Variants in MYO1F observed in about 807,000 individuals in gnomAD.
MYO1F encodes myosin IF, also known as unconventional myosin-If.
In MYO1F, 60 loss-of-function variants were observed where a neutral mutation model predicts 146.6. The observed-to-expected ratio is 0.41, with a 90% CI of 0.33 to 0.51. MYO1F has a LOEUF of 0.51. Ranked by LOEUF, MYO1F falls within the 20% of genes least tolerant of loss-of-function variation. The pLI, the probability that MYO1F is intolerant of heterozygous loss-of-function variation, is 0.25. For missense variants in MYO1F, 1,274 were observed against 1,534.3 expected, an observed-to-expected ratio of 0.83 and a Z score of 2.83; for synonymous variants, 602 against 602.1, an observed-to-expected ratio of 1.00 and a Z score of 0.00.
chr19:8,536,100 C>T (rs1568340341), intron 19 of MYO1F, 152 bp downstream of exon 19: 4 of 1,005,312 alleles, frequency 4.0e-6, no homozygotes, highest in South Asian at 2.8e-5. Flanking sequence ...TCTGTCAATC[C>T]CTCTCTCTCA....
At chr19:8,524,709 G>A (rs1476993700) in intron 25 of MYO1F, among the ~76,000 whole-genome samples, 1 of 152,162 alleles carries the variant, frequency 6.6e-6, no homozygotes, top group Non-Finnish European at 1.5e-5. Flanking sequence ...ACAGGTGTGA[G>A]CCATCTTGCC....
chr19:8,559,278 G>A (rs1211331572), intron 1 of MYO1F, among the ~76,000 whole-genome samples: 1 of 142,788 alleles, frequency 7.0e-6, no homozygotes, highest in East Asian at 2.1e-4. Flanking sequence ...CTGTAAGGCA[G>A]AAGTGGAGCC....
chr19:8,548,352 A>G, intron 10 of MYO1F, 35 bp from the exon 11 acceptor site: 2 of 1,597,218 alleles, frequency 1.3e-6, no homozygotes, highest in Admixed American at 3.3e-5. Flanking sequence ...GTCAGTGGGC[A>G]TCGGTCAGAT....
chr19:8,564,599 G>T (rs78236562), intron 1 of MYO1F, among the ~76,000 whole-genome samples: 1,677 of 152,042 alleles, frequency 0.011, 28 homozygotes, highest in African/African-American at 0.036. Context: ...AGGAGCCATC[G>T]ACTCAACCCT....
intron 1 of MYO1F, among the ~76,000 whole-genome samples, chr19:8,557,853 T>C (rs750306619): frequency 6.6e-6 from 1 of 152,068 alleles, no homozygotes; most frequent in African/African-American, 2.4e-5. Context: ...AGTCCCTGAC[T>C]TCTCTGTGGC....
chr19:8,571,699 G>A (rs561392255), intron 1 of MYO1F, among the ~76,000 whole-genome samples: 14 of 152,178 alleles, frequency 9.2e-5, no homozygotes, highest in East Asian at 7.7e-4. Flanking sequence ...CCGAGTTCAC[G>A]CCATTCTTCT....
rs1304313943 is a variant in MYO1F at position 8,526,501 on chromosome 19, C to T, written c.2722G>A (p.Gly908Ser). The T allele has an allele frequency of 2.5e-6, 4 of 1,576,600 alleles. No homozygotes were observed. Among genetic ancestry groups the T allele is most frequent in the Non-Finnish European group, 3.4e-6 (4 of 1,162,174 alleles). Residue 908 changes from glycine to serine, a missense_variant, in exon 24 of 28, where the codon GGT becomes AGT. By Grantham distance (56) the Gly-to-Ser change is moderately conservative. Transcript: ENST00000644032. ...CCCACGCTGACCGTGAGGGTCCGACCGCCAACCTTGAGCACTGCCAAGTCG... is the reference window on the plus strand; with the variant it reads ...CCCACGCTGACCGTGAGGGTCCGACTGCCAACCTTGAGCACTGCCAAGTCG... ...FGDLAVLKVG[G>S]RTLTVSVGDG...
At chr19:8,542,293 C>T (rs1414107141) in intron 14 of MYO1F, among the ~76,000 whole-genome samples, 2 of 129,932 alleles carry the variant, frequency 1.5e-5, no homozygotes, top group Admixed American at 2.0e-4. Flanking sequence ...CTGCAGCTTG[C>T]ATCAGAGGCC....
intron 27 of MYO1F, among the ~76,000 whole-genome samples, chr19:8,521,884 A>ACCT (rs1373036899): frequency 6.6e-6 from 1 of 151,766 alleles, no homozygotes; most frequent in African/African-American, 2.4e-5. Context: ...CAAACTCCTG[A>ACCT]CCTCAAGTGA....
chr19:8,565,360 T>G (rs1346389924), intron 1 of MYO1F, among the ~76,000 whole-genome samples: 3 of 151,798 alleles, frequency 2.0e-5, no homozygotes, highest in African/African-American at 4.8e-5. Flanking sequence ...CTGACCAACG[T>G]GGGGAAACCC....
intron 10 of MYO1F, among the ~76,000 whole-genome samples, chr19:8,549,330 G>C (rs1973505511): frequency 6.6e-6 from 1 of 151,330 alleles, no homozygotes; most frequent in African/African-American, 2.4e-5. Context: ...GGAGTGTAGT[G>C]GCTTGATCAT....
intron 1 of MYO1F, among the ~76,000 whole-genome samples, chr19:8,574,589 CTCTCTCTCTTTCTTTCTT>C (rs1347950370): frequency 3.2e-4 from 27 of 84,510 alleles, no homozygotes; most frequent in African/African-American, 1.3e-3. Flanking sequence ...CTCTCTCTCT[CTCTCTCTCTTTCTTTCTT>C]TCTTTCTTTC....
intron 15 of MYO1F, among the ~76,000 whole-genome samples, chr19:8,541,106 C>A (rs1253729901): frequency 1.3e-5 from 2 of 152,042 alleles, no homozygotes; most frequent in Non-Finnish European, 2.9e-5. Flanking sequence ...ATCTCAGCCT[C>A]CCGAGTAGCT....
chr19:8,559,370 C>G (rs1214868720), intron 1 of MYO1F, among the ~76,000 whole-genome samples: 2 of 151,140 alleles, frequency 1.3e-5, no homozygotes, highest in African/African-American at 4.9e-5. Context: ...GGTGCATGAT[C>G]AGATTCTGGA....
rs1264685544 is a variant in MYO1F at position 8,525,581 on chromosome 19, G to A, written c.2771-19C>T. The stretch of plus-strand genomic sequence containing the variant: ...GTAGGCTCTGAAAGAAGAGTGTCAG[G>A]GAGTTGAATGACAGACAGACCACGC... On this transcript the variant is annotated intron_variant, in intron 24 of 27. Transcript: ENST00000644032. The A allele has an allele frequency of 1.2e-6, 2 of 1,602,948 alleles. No homozygotes were observed. Among genetic ancestry groups the A allele is most frequent in the Non-Finnish European group, 1.7e-6 (2 of 1,171,846 alleles).
intron 19 of MYO1F, among the ~76,000 whole-genome samples, chr19:8,535,990 T>G (rs1342790229): frequency 6.6e-6 from 1 of 152,186 alleles, no homozygotes; most frequent in Non-Finnish European, 1.5e-5. Flanking sequence ...AGTCGCAGTC[T>G]TTCTTAATCT....
At chr19:8,540,562 T>C (rs1158275890) in intron 15 of MYO1F, 2 of 151,694 alleles carry the variant, frequency 1.3e-5, no homozygotes, top group African/African-American at 4.8e-5. Context: ...ATACAAAAAT[T>C]AGCGGGGCAT....
intron 15 of MYO1F, 50 bp downstream of exon 15, chr19:8,541,856 A>G: frequency 1.3e-6 from 2 of 1,544,156 alleles, no homozygotes; most frequent in Non-Finnish European, 1.8e-6. Flanking sequence ...TCCTCCCTCC[A>G]TCCCCTTGGG....
chr19:8,550,448 T>A, intron 9 of MYO1F, 92 bp from the exon 10 acceptor site: 1 of 1,595,702 alleles, frequency 6.3e-7, no homozygotes, highest in Non-Finnish European at 8.5e-7. Flanking sequence ...TCTTGCCCAG[T>A]GACACCCACA....
Sources: gnomAD v4.1 joint callset for allele counts (sites outside exome capture counted in the v4.1 genomes callset) on GRCh38, gnomAD v4.1.1 for gene constraint, MANE v1.5 for transcripts, NCBI Gene and HGNC (gene_info 2026-07-23, HGNC 2026-07-21) for gene names.